Variants in FLG observed in about 807,000 individuals in gnomAD.
FLG encodes the protein filaggrin, also known as epidermal filaggrin.
In FLG, 6 loss-of-function variants were observed where a neutral mutation model predicts 3.8. The observed-to-expected ratio is 1.60, with a 90% confidence interval of 0.87 to 3.15. FLG has a LOEUF of 3.15. Among genes scored for constraint, FLG ranks in the 30% most tolerant of loss-of-function variants. The probability of loss-of-function intolerance (pLI) is 0.00; values close to 1 mark genes in which losing one functional copy is unlikely to be tolerated. For synonymous variants in FLG, 2,551 were observed against 1,931.6 expected, an observed-to-expected ratio of 1.32 and a Z score of -8.41; for missense variants, 7,595 against 5,050.9, an observed-to-expected ratio of 1.50 and a Z score of -15.27.
At position 152,309,740 on chromosome 1, in the gene FLG, C is replaced by T. The variant is rs1268375394; in HGVS notation, c.5146G>A (p.Gly1716Ser). ...VGDSGNRGSS[G>S]SQASDSEGHS... ...CCCTCGCTGTCACTGGCCTGGCTAC[C>T]ACTGGACCCTCGGTTTCCACTGTCT... Residue 1716 changes from glycine (G) to serine (S), a missense_variant, in exon 3 of 3, where the codon GGT becomes AGT. Transcript: ENST00000368799. The T allele has an allele frequency of 1.2e-6, 2 of 1,613,978 alleles. No homozygotes were observed. The highest frequency in any genetic ancestry group is 1.1e-5 in the South Asian group (1 of 91,078).
rs1367079911 is a variant in FLG at position 152,314,108 on chromosome 1, A to C, written c.778T>G (p.Ser260Ala). The C allele has an allele frequency of 5.0e-6, 8 of 1,613,932 alleles. No individual in the cohort carries two copies. Among genetic ancestry groups the C allele is most frequent in the Non-Finnish European group, 6.8e-6 (8 of 1,179,978 alleles). ...GATGATTTGCCATCAGATGACCTTG[A>C]TCTTTCATATATTTTGTTTTCTTCT... Reference protein sequence around the residue: ...LLEENKIYERSRSSDGKSSSQ... With the variant: ...LLEENKIYERARSSDGKSSSQ... Residue 260 changes from serine to alanine, a missense_variant, in exon 3 of 3, where the codon TCA (serine) becomes GCA (alanine). Transcript: ENST00000368799.
At chr1:152,315,136 CTTTATG>C in intron 2 of FLG, among the ~76,000 whole-genome samples, 177 bp downstream of exon 2, 1 of 151,862 alleles carries the variant, frequency 6.6e-6, no homozygotes, top group Admixed American at 6.6e-5. Flanking sequence ...CTGAGGGTGT[CTTTATG>C]TTTATAATAT....
chr1:152,324,660 G>GT (rs543266246), intron 1 of FLG, among the ~76,000 whole-genome samples: 5 of 151,054 alleles, frequency 3.3e-5, no homozygotes, highest in Non-Finnish European at 4.4e-5. Flanking sequence ...AACATTACGA[G>GT]TTTTTTTTTA....
Position 152,305,153 on chromosome 1 carries a change from C to G in FLG, c.9733G>C (p.Glu3245Gln). 1 of 1,613,878 alleles carries G rather than the reference C, an allele frequency of 6.2e-7. No homozygotes were observed. Among genetic ancestry groups the G allele is most frequent in the Non-Finnish European group, 8.5e-7 (1 of 1,179,970 alleles). ...TGTCTGGAGCCGTGCCTTGACTGCTCCTGAACAGATCCACGATGGTTTCTG... is the reference window on the plus strand; with the variant it reads ...TGTCTGGAGCCGTGCCTTGACTGCTGCTGAACAGATCCACGATGGTTTCTG... ...ASRNHRGSVQ[E>Q]QSRHGSRHPR... is the part of the protein sequence containing the mutation. Residue 3245 changes from glutamate (E) to glutamine (Q), a missense_variant, in exon 3 of 3, where the codon GAG becomes CAG. Transcript: ENST00000368799.
rs781501564 is a variant in FLG at position 152,309,720 on chromosome 1, G to A, written c.5166C>T (p.Ser1722=). The A allele has an allele frequency of 1.5e-5, 25 of 1,613,412 alleles. No individual in the cohort carries two copies. The highest frequency in any genetic ancestry group is 4.0e-5 in the African/African-American group (3 of 74,694). Residue 1722 remains serine, a synonymous_variant, in exon 3 of 3, where the codon AGC becomes AGT. Transcript: ENST00000368799. ...RGSSGSQASD[S]EGHSEESDTQ... is the part of the protein sequence containing the mutation. Reference sequence around the variant, plus strand: ...TGTCTGACTCTTCTGAGTGTCCCTCGCTGTCACTGGCCTGGCTACCACTGG... The same window carrying A: ...TGTCTGACTCTTCTGAGTGTCCCTCACTGTCACTGGCCTGGCTACCACTGG...
At position 152,304,197 on chromosome 1, in the gene FLG, A is replaced by G. The variant is rs778511241; in HGVS notation, c.10689T>C (p.His3563=). The change falls in exon 3 of 3, where the codon CAT becomes CAC. Residue 3563 remains histidine (H), a synonymous_variant. Coordinates refer to ENST00000368799, the MANE Select transcript of FLG (RefSeq NM_002016.2). ...TTGACTGCTCCTGAGCAGATCCACG[A>G]TGGTTTCTGGAAGCAGACCCAGACC... The part of the protein sequence containing the change: ...ERWSGSASRN[H]RGSAQEQSRD... 1.9e-6 allele frequency: 3 copies of G among 1,611,166 alleles called. No individual in the cohort carries two copies. Among genetic ancestry groups the G allele is most frequent in the African/African-American group, 1.3e-5 (1 of 74,146 alleles).
chr1:152,310,853 A>G lies in FLG; in HGVS notation c.4033T>C (p.Ser1345Pro), dbSNP rs1478761237. The change falls in exon 3 of 3, where the codon TCC (serine) becomes CCC (proline). Residue 1345 changes from serine (S) to proline (P), a missense_variant. Transcript: ENST00000368799. ...ESSSHGQAVS[S>P]HEQARSSPGE... The stretch of plus-strand genomic sequence containing the variant: ...GGACTTGATCTTGCCTGTTCATGGG[A>G]TGACACAGCCTGTCCATGAGAGGAA... 1.2e-6 allele frequency: 2 copies of G among 1,613,332 alleles called. No homozygotes were observed. Among genetic ancestry groups the G allele is most frequent in the Non-Finnish European group, 1.7e-6 (2 of 1,179,778 alleles).
chr1:152,303,125 C>T lies in FLG; in HGVS notation c.11761G>A (p.Asp3921Asn). 1 of 1,614,202 alleles carries T rather than the reference C, an allele frequency of 6.2e-7. No homozygotes were observed. The highest frequency in any genetic ancestry group is 8.5e-7 in the Non-Finnish European group (1 of 1,180,034). The stretch of plus-strand genomic sequence containing the variant: ...CCATGTTCCTTAGCGGTACTAGAGT[C>T]TGACTGTACAGGTGAAGACTGTACA... ...SHVQSSPVQSDSSTAKEHGHF... is the reference protein window; with the variant it reads ...SHVQSSPVQSNSSTAKEHGHF... Residue 3921 changes from aspartate to asparagine, a missense_variant, in exon 3 of 3, where the codon GAC becomes AAC. Transcript: ENST00000368799.
Position 152,302,865 on chromosome 1 carries a change from A to G in FLG, c.12021T>C (p.Val4007=). Reference sequence around the variant, plus strand: ...TACAGATATCAGATCTTTCCTTGAAAACAACAGGATTGGAATTGTAACTAA... The same window carrying G: ...TACAGATATCAGATCTTTCCTTGAAGACAACAGGATTGGAATTGTAACTAA... ...GSVSYNSNPV[V]FKERSDICKA... The change falls in exon 3 of 3, where the codon GTT becomes GTC. Residue 4007 remains valine, a synonymous_variant. Transcript: ENST00000368799. The G allele has an allele frequency of 6.2e-7, 1 of 1,614,194 alleles. No individual in the cohort carries two copies. Among genetic ancestry groups the G allele is most frequent in the South Asian group, 1.1e-5 (1 of 91,078 alleles).
rs767622656 is a variant in FLG, at chr1:152,311,731, C to T, written c.3155G>A (p.Arg1052Lys). Residue 1052 changes from arginine (R) to lysine (K), a missense_variant, in exon 3 of 3, where the codon AGA (arginine) becomes AAA (lysine). Transcript: ENST00000368799. ...DSSRHSGIPR[R>K]QASSAVRDSG... ...GTCTCTGACTGCAGATGAAGCTTGT[C>T]TGCGCGGAATGCCTGAGTGTCTGGA... The T allele has an allele frequency of 6.8e-6, 11 of 1,613,938 alleles. No individual in the cohort carries two copies. In the African/African-American group the frequency reaches 8.0e-5, roughly 12 times the overall value.
At position 152,303,319 on chromosome 1, in the gene FLG, C is replaced by T. The variant is rs144022904; in HGVS notation, c.11567G>A (p.Ser3856Asn). ...GCTAACACTGGATCCCTGGCGCCTG[C>T]TTCTCCTGGACCCCGCTGATTCACC... ...GQGESAGSRR[S>N]RRQGSSVSQD... Residue 3856 changes from serine (S) to asparagine (N), a missense_variant, in exon 3 of 3, where the codon AGC becomes AAC. Transcript: ENST00000368799. The T allele has an allele frequency of 2.1e-4, 340 of 1,614,130 alleles. No homozygotes were observed. The highest frequency in any genetic ancestry group is 2.7e-4 in the Non-Finnish European group (322 of 1,180,022).
intron 1 of FLG, among the ~76,000 whole-genome samples, chr1:152,317,451 A>G (rs1652821923): frequency 6.6e-6 from 1 of 152,068 alleles, no homozygotes; most frequent in Non-Finnish European, 1.5e-5. Context: ...CCAAATCCAC[A>G]TATCCATTTT....
At chr1:152,318,759 C>A (rs971600009) in intron 1 of FLG, among the ~76,000 whole-genome samples, 2 of 151,810 alleles carry the variant, frequency 1.3e-5, no homozygotes, top group African/African-American at 4.8e-5. Flanking sequence ...CTGTTTCATG[C>A]TTTGGAGATA....
Position 152,306,352 on chromosome 1 carries a change from T to C in FLG, c.8534A>G (p.Glu2845Gly). 6.2e-7 allele frequency: 1 copy of C among 1,601,956 alleles called. No homozygotes were observed. Among genetic ancestry groups the C allele is most frequent in the Non-Finnish European group, 8.5e-7 (1 of 1,179,784 alleles). ...GTGCCTGGAGCCGTCTCCTGATTGT[T>C]CCTCATTACGTGTTGTTCTGCTTGC... is the stretch of plus-strand genomic sequence containing the variant. ...RSASRTTRNE[E>G]QSGDGSRHSG... Residue 2845 changes from glutamate to glycine, a missense_variant, in exon 3 of 3, where the codon GAA (glutamate) becomes GGA (glycine). Coordinates refer to ENST00000368799, the MANE Select transcript of FLG (RefSeq NM_002016.2).
At position 152,308,322 on chromosome 1, in the gene FLG, A is replaced by T. The variant is rs1484593961; in HGVS notation, c.6564T>A (p.Ser2188Arg). 1.2e-6 allele frequency: 2 copies of T among 1,613,158 alleles called. No individual in the cohort carries two copies. The highest frequency in any genetic ancestry group is 1.7e-6 in the Non-Finnish European group (2 of 1,179,744). ...DASRGQSGSR[S>R]ASRKTYDKEQ... ...CCTTGTCATATGTTTTTCTGCTTGC[A>T]CTTCTGGATCCTGACTGCCCACGGG... Residue 2188 changes from serine to arginine, a missense_variant, in exon 3 of 3, where the codon AGT becomes AGA. Ser to Arg is a moderately radical substitution (Grantham distance 110, BLOSUM62 -1). Coordinates refer to ENST00000368799, the MANE Select transcript of FLG (RefSeq NM_002016.2).
Position 152,309,360 on chromosome 1 carries a change from A to T in FLG, c.5526T>A (p.His1842Gln). ...TTTCCTGGGACGTGGTGTGGCTGTG[A>T]TGAGACCCTGAGTGTCCAGAACTAT... The part of the protein sequence containing the change: ...SVDSSGHSGS[H>Q]HSHTTSQERS... Residue 1842 changes from histidine to glutamine, a missense_variant, in exon 3 of 3, where the codon CAT (histidine) becomes CAA (glutamine). Physicochemically the swap from His to Gln is conservative, Grantham distance 24 (BLOSUM62 0). Coordinates refer to ENST00000368799, the MANE Select transcript of FLG (RefSeq NM_002016.2). The T allele has an allele frequency of 1.9e-6, 3 of 1,613,748 alleles. No homozygotes were observed.
chr1:152,318,107 G>C (rs1019192704), intron 1 of FLG, among the ~76,000 whole-genome samples: 2 of 151,496 alleles, frequency 1.3e-5, no homozygotes, highest in African/African-American at 4.8e-5. Flanking sequence ...CCCTTCCCTC[G>C]AACCATTATT....
chr1:152,308,287 C>A lies in FLG; in HGVS notation c.6599G>T (p.Gly2200Val). 2 of 1,613,494 alleles carry A rather than the reference C, an allele frequency of 1.2e-6. No individual in the cohort carries two copies. Among genetic ancestry groups the A allele is most frequent in the Non-Finnish European group, 1.7e-6 (2 of 1,179,620 alleles). The change falls in exon 3 of 3, where the codon GGA becomes GTA. Residue 2200 changes from glycine (G) to valine (V), a missense_variant. By Grantham distance (109) the Gly-to-Val change is moderately radical (BLOSUM62 -3). Transcript: ENST00000368799. ...CGACCCTGAGTGCCTAGAGCCATCT[C>A]CTGATTGTTCCTTGTCATATGTTTT... is the stretch of plus-strand genomic sequence containing the variant. ...SRKTYDKEQS[G>V]DGSRHSGSHH...
rs140909774 is a variant in FLG, at chr1:152,310,768, A to C, written c.4118T>G (p.Ile1373Ser). ...QSADSSRHSGIGHRQASSAVR... is the reference protein window; with the variant it reads ...QSADSSRHSGSGHRQASSAVR... ...TGCAGATGAAGCTTGTCTGTGCCCAATGCCTGAGTGTCTGGAGCTGTCTGC... is the reference window on the plus strand; with the variant it reads ...TGCAGATGAAGCTTGTCTGTGCCCACTGCCTGAGTGTCTGGAGCTGTCTGC... The change falls in exon 3 of 3, where the codon ATT becomes AGT. Residue 1373 changes from isoleucine to serine, a missense_variant. Physicochemically the swap from Ile to Ser is moderately radical, Grantham distance 142 (BLOSUM62 -2). Transcript: ENST00000368799. The C allele has an allele frequency of 1.2e-6, 2 of 1,613,326 alleles. No homozygotes were observed. The highest frequency in any genetic ancestry group is 2.7e-5 in the African/African-American group (2 of 74,634).
Sources: gnomAD v4.1 joint callset for allele counts (sites outside exome capture counted in the v4.1 genomes callset) on GRCh38, gnomAD v4.1.1 for gene constraint, MANE v1.5 for transcripts, NCBI Gene and HGNC (gene_info 2026-07-23, HGNC 2026-07-21) for gene names.